Variants in HS3ST1 observed in about 807,000 individuals in gnomAD.
The protein encoded by HS3ST1 is heparan sulfate-glucosamine 3-sulfotransferase 1.
In HS3ST1, 8 loss-of-function variants were observed where a neutral mutation model predicts 20.7. That is an observed-to-expected ratio of 0.39 (90% CI 0.23 to 0.70). The LOEUF (loss-of-function observed/expected upper bound fraction) is 0.70. Ranked by LOEUF, HS3ST1 falls within the 30% of genes least tolerant of loss-of-function variation. The probability of loss-of-function intolerance (pLI) is 0.46; values close to 1 mark genes in which losing one functional copy is unlikely to be tolerated. For synonymous variants in HS3ST1, 205 were observed against 190.4 expected (o/e 1.08, Z -0.63); for missense variants, 436 against 423.4 (o/e 1.03, Z -0.26).
intron 1 of HS3ST1, among the ~76,000 whole-genome samples, chr4:11,412,471 A>T (rs17423099): frequency 0.049 from 7,521 of 152,312 alleles, 230 homozygotes; most frequent in South Asian, 0.08. Context: ...CAAAGTGATT[A>T]CTGTTAAAAA....
chr4:11,424,497 G>C (rs983808693), intron 1 of HS3ST1, among the ~76,000 whole-genome samples: 4 of 152,140 alleles, frequency 2.6e-5, no homozygotes, highest in Non-Finnish European at 4.4e-5. Context: ...GTACATCAGT[G>C]GGTTGCAATT....
intron 1 of HS3ST1, among the ~76,000 whole-genome samples, chr4:11,405,418 G>A (rs928566563): frequency 1.3e-5 from 2 of 152,172 alleles, no homozygotes; most frequent in Non-Finnish European, 2.9e-5. Context: ...TCCAGATGGA[G>A]GCTTCCCTTG....
chr4:11,417,246 T>G (rs1443883578), intron 1 of HS3ST1, among the ~76,000 whole-genome samples: 1 of 152,160 alleles, frequency 6.6e-6, no homozygotes, highest in Non-Finnish European at 1.5e-5. Context: ...AATCAGTAAA[T>G]GCATTATCAT....
intron 1 of HS3ST1, among the ~76,000 whole-genome samples, chr4:11,410,910 TA>T: frequency 6.6e-6 from 1 of 151,440 alleles, no homozygotes; most frequent in South Asian, 2.1e-4. Flanking sequence ...AATAAATAAA[TA>T]AATAAATAAA....
chr4:11,427,465 T>G (rs1018013379), intron 1 of HS3ST1, among the ~76,000 whole-genome samples: 2 of 152,210 alleles, frequency 1.3e-5, no homozygotes, highest in Non-Finnish European at 2.9e-5. Context: ...AGGAGACTGT[T>G]TCTCGGAGCG....
chr4:11,420,338 C>T (rs138944757), intron 1 of HS3ST1, among the ~76,000 whole-genome samples: 185 of 152,326 alleles, frequency 1.2e-3, no homozygotes, highest in African/African-American at 4.2e-3. Flanking sequence ...CTCCAGCAGT[C>T]GCAGGAGAGA....
rs1332556896 is a variant in HS3ST1 at position 11,394,967 on chromosome 4, G to C, written c.*4115C>G. On this transcript the variant is annotated 3_prime_UTR_variant, in exon 2 of 2. Transcript: ENST00000002596. ...GCACAGGAGCCAAATTCACATGGGT[G>C]CCTGCTAAGTAAGCTTCCAACACTC... The C allele has an allele frequency of 6.6e-6, 1 of 152,174 alleles. No individual in the cohort carries two copies. Among genetic ancestry groups the C allele is most frequent in the East Asian group, 1.9e-4 (1 of 5,190 alleles). 9.4% of individuals were successfully genotyped at this position (152,174 alleles called of 1,614,324 possible). A position where few individuals can be genotyped will look rare whatever the true frequency, so the allele number is the denominator to read the frequency against.
chr4:11,417,697 A>C (rs2108888066), intron 1 of HS3ST1, among the ~76,000 whole-genome samples: 1 of 152,356 alleles, frequency 6.6e-6, no homozygotes, highest in East Asian at 1.9e-4. Context: ...TCAGGTTAGC[A>C]AGAGAGATTA....
intron 1 of HS3ST1, among the ~76,000 whole-genome samples, chr4:11,416,856 A>G (rs1227644568): frequency 6.6e-6 from 1 of 152,204 alleles, no homozygotes; most frequent in Non-Finnish European, 1.5e-5. Flanking sequence ...GTGATTTACT[A>G]TGGAGAGGGA....
At chr4:11,406,332 C>T (rs1214315973) in intron 1 of HS3ST1, among the ~76,000 whole-genome samples, 4 of 152,200 alleles carry the variant, frequency 2.6e-5, no homozygotes, top group African/African-American at 9.7e-5. Flanking sequence ...AGAATTCTTA[C>T]TGCTAACTGA....
chr4:11,427,886 A>G (rs892877059), intron 1 of HS3ST1, among the ~76,000 whole-genome samples: 4 of 152,180 alleles, frequency 2.6e-5, no homozygotes, highest in African/African-American at 9.6e-5. Context: ...CTGGGGCTAG[A>G]AGGAGGAGCA....
At chr4:11,411,711 C>T (rs1262548579) in intron 1 of HS3ST1, among the ~76,000 whole-genome samples, 2 of 152,166 alleles carry the variant, frequency 1.3e-5, no homozygotes, top group Admixed American at 6.6e-5. Context: ...GTCATCTGTT[C>T]TTTCTGAATG....
chr4:11,431,393 C>T (rs1719203006), upstream of HS3ST1, among the ~76,000 whole-genome samples: 1 of 152,116 alleles, frequency 6.6e-6, no homozygotes, highest in African/African-American at 2.4e-5. Flanking sequence ...GTTGTGTGGC[C>T]CAAGACTCTT....
At chr4:11,432,073 A>G (rs1719216222), upstream of HS3ST1, among the ~76,000 whole-genome samples, 1 of 152,170 alleles carries the variant, frequency 6.6e-6, no homozygotes, top group Admixed American at 6.5e-5. Flanking sequence ...CTAGTGCTCT[A>G]TGTAATTAAG....
At chr4:11,414,781 C>A (rs1718728584) in intron 1 of HS3ST1, among the ~76,000 whole-genome samples, 1 of 152,140 alleles carries the variant, frequency 6.6e-6, no homozygotes, top group African/African-American at 2.4e-5. Flanking sequence ...TGCTTAGATT[C>A]ATAGAGAGAA....
At chr4:11,425,860 G>T (rs1719046759) in intron 1 of HS3ST1, among the ~76,000 whole-genome samples, 2 of 152,284 alleles carry the variant, frequency 1.3e-5, no homozygotes, top group African/African-American at 4.8e-5. Context: ...TTTAAATCCA[G>T]CTAGCACTCT....
chr4:11,412,905 G>A (rs1577443131), intron 1 of HS3ST1, among the ~76,000 whole-genome samples: 1 of 152,282 alleles, frequency 6.6e-6, no homozygotes, highest in East Asian at 1.9e-4. Flanking sequence ...GCCCCTAGGA[G>A]GCAAGTAGGT....
intron 1 of HS3ST1, among the ~76,000 whole-genome samples, chr4:11,407,449 AG>A (rs1310829837): frequency 1.3e-5 from 2 of 152,210 alleles, no homozygotes; most frequent in Non-Finnish European, 2.9e-5. Context: ...CTGAAATTGA[AG>A]GAAGGAGATG....
intron 1 of HS3ST1, among the ~76,000 whole-genome samples, chr4:11,403,432 G>T (rs950864398): frequency 2.0e-5 from 3 of 152,112 alleles, no homozygotes; most frequent in Admixed American, 6.6e-5. Flanking sequence ...TCTTGACAAT[G>T]AAGTTATAAA....
Sources: gnomAD v4.1 joint callset for allele counts (sites outside exome capture counted in the v4.1 genomes callset) on GRCh38, gnomAD v4.1.1 for gene constraint, MANE v1.5 for transcripts, NCBI Gene and HGNC (gene_info 2026-07-23, HGNC 2026-07-21) for gene names.